PRKAA2: variants seen among roughly 807,000 people sequenced by gnomAD.
The protein encoded by PRKAA2 is protein kinase AMP-activated catalytic subunit alpha 2.
In PRKAA2, 40 loss-of-function variants were observed where a neutral mutation model predicts 56.3. That is an observed-to-expected ratio of 0.71 (90% confidence interval 0.55 to 0.92). PRKAA2 has a LOEUF of 0.92. Ranked by LOEUF, PRKAA2 falls within the 40% of genes least tolerant of loss-of-function variation. PRKAA2 has a pLI of 0.00. For missense variants in PRKAA2, 542 were observed against 686.9 expected, an observed-to-expected ratio of 0.79 and a Z score of 2.36; for synonymous variants, 214 against 234.2, an observed-to-expected ratio of 0.91 and a Z score of 0.79.
intron 1 of PRKAA2, among the ~76,000 whole-genome samples, chr1:56,671,203 A>G (rs901621627): frequency 1.3e-5 from 2 of 152,150 alleles, no homozygotes; most frequent in East Asian, 1.9e-4. Context: ...TTTCAGGTGG[A>G]ATGTGGTTAG....
In PRKAA2 at chr1:56,714,110, C is replaced by T. The variant is rs561478540; in HGVS notation, c.*6397C>T. 12 of 152,132 alleles carry T rather than the reference C, an allele frequency of 7.9e-5. No individual in the cohort carries two copies. The highest frequency in any genetic ancestry group is 2.9e-4 in the African/African-American group (12 of 41,524). The allele number at this position is 152,132 out of a possible 1,614,324, so 9.4% of individuals were successfully genotyped here. ...TCATGTTGATTGACTTTATAAGTCACCTTGGTAAACATAACATTTGGCTAC... is the reference window on the plus strand; with the variant it reads ...TCATGTTGATTGACTTTATAAGTCATCTTGGTAAACATAACATTTGGCTAC... On this transcript the variant is annotated 3_prime_UTR_variant, in exon 9 of 9. Coordinates refer to ENST00000371244, the MANE Select transcript of PRKAA2 (RefSeq NM_006252.4).
chr1:56,698,260 G>A (rs1644272280), intron 6 of PRKAA2, among the ~76,000 whole-genome samples: 1 of 151,562 alleles, frequency 6.6e-6, no homozygotes, highest in African/African-American at 2.4e-5. Flanking sequence ...GTTCAATAGG[G>A]AAAAGAATTA....
chr1:56,675,415 G>A (rs1644106199), intron 2 of PRKAA2, among the ~76,000 whole-genome samples: 1 of 151,668 alleles, frequency 6.6e-6, no homozygotes, highest in Admixed American at 6.6e-5. Flanking sequence ...TTATCTTCAT[G>A]ATCAGTGTCT....
chr1:56,711,184 C>G lies in PRKAA2; in HGVS notation c.*3471C>G, dbSNP rs1329452939. The G allele has an allele frequency of 6.6e-6, 1 of 152,096 alleles. No homozygotes were observed. The highest frequency in any genetic ancestry group is 1.5e-5 in the Non-Finnish European group (1 of 67,972). 9.4% of individuals were successfully genotyped at this position (152,096 alleles called of 1,614,324 possible). ...TGTAGCATGAACAATTCTCCATTTTCTGCAAATGGGTTTTTCAGGACAGTT... is the reference window on the plus strand; with the variant it reads ...TGTAGCATGAACAATTCTCCATTTTGTGCAAATGGGTTTTTCAGGACAGTT... On this transcript the variant is annotated 3_prime_UTR_variant, in exon 9 of 9. Transcript: ENST00000371244.
chr1:56,663,951 T>G (rs1231619594), intron 1 of PRKAA2, among the ~76,000 whole-genome samples: 1 of 151,976 alleles, frequency 6.6e-6, no homozygotes, highest in African/African-American at 2.4e-5. Flanking sequence ...AATAAAAAAT[T>G]AGCTGAGCAT....
At chr1:56,704,621 A>G (rs1644319597) in intron 7 of PRKAA2, 146 bp downstream of exon 7, 1 of 936,812 alleles carries the variant, frequency 1.1e-6, no homozygotes, top group Non-Finnish European at 1.5e-6. Context: ...AACCTCTATA[A>G]GGATGAAAAG....
chr1:56,704,052 T>G lies in PRKAA2; in HGVS notation c.870T>G (p.Asp290Glu). 6.2e-7 allele frequency: 1 copy of G among 1,614,116 alleles called. No individual in the cohort carries two copies. The highest frequency in any genetic ancestry group is 8.5e-7 in the Non-Finnish European group (1 of 1,179,960). ...CCTATGATGCTAACGTCATTGATGA[T>G]GAGGCTGTGAAAGAAGTGTGTGAAA... is the stretch of plus-strand genomic sequence containing the variant. ...DPSYDANVIDDEAVKEVCEKF... is the reference protein window; with the variant it reads ...DPSYDANVIDEEAVKEVCEKF... The change falls in exon 7 of 9, where the codon GAT becomes GAG. Residue 290 changes from aspartate (D) to glutamate (E), a missense_variant. Around this residue, in one of 5 missense-constraint regions of PRKAA2, gnomAD observed 198 missense variants for 234.0 expected, o/e 0.85. Transcript: ENST00000371244.
At chr1:56,670,340 G>A (rs1245233904) in intron 1 of PRKAA2, among the ~76,000 whole-genome samples, 1 of 152,196 alleles carries the variant, frequency 6.6e-6, no homozygotes, top group Non-Finnish European at 1.5e-5. Flanking sequence ...GATGTAGACT[G>A]TTGTTATGTC....
At chr1:56,694,034 T>C (rs1644243993) in intron 5 of PRKAA2, among the ~76,000 whole-genome samples, 182 bp downstream of exon 5, 1 of 152,200 alleles carries the variant, frequency 6.6e-6, no homozygotes, top group Admixed American at 6.5e-5. Context: ...CATTTAGATG[T>C]CATTATAAAT....
intron 5 of PRKAA2, among the ~76,000 whole-genome samples, chr1:56,694,741 G>A (rs1644248066): frequency 6.6e-6 from 1 of 151,862 alleles, no homozygotes; most frequent in East Asian, 1.9e-4. Context: ...CCCCCCTTAA[G>A]TCCCCACCTC....
intron 1 of PRKAA2, among the ~76,000 whole-genome samples, chr1:56,657,065 G>T (rs936285793): frequency 6.6e-6 from 1 of 152,174 alleles, no homozygotes; most frequent in African/African-American, 2.4e-5. Flanking sequence ...CAGAATAAAT[G>T]TAAGAAAACC....
At chr1:56,681,360 A>G (rs1234042562) in intron 2 of PRKAA2, among the ~76,000 whole-genome samples, 2 of 152,110 alleles carry the variant, frequency 1.3e-5, no homozygotes, top group Admixed American at 6.6e-5. Context: ...CTTTAGTTTA[A>G]TTAGATCCCA....
intron 1 of PRKAA2, among the ~76,000 whole-genome samples, chr1:56,660,640 T>C (rs1459540421): frequency 6.6e-6 from 1 of 152,294 alleles, no homozygotes; most frequent in East Asian, 1.9e-4. Context: ...CCTTGATACG[T>C]TGTAATCAAG....
chr1:56,680,424 A>G (rs1210100522), intron 2 of PRKAA2, among the ~76,000 whole-genome samples: 1 of 151,990 alleles, frequency 6.6e-6, no homozygotes, highest in Non-Finnish European at 1.5e-5. Flanking sequence ...TTTGTTACAT[A>G]TGTATCCATG....
chr1:56,693,196 C>T (rs1170307856), intron 4 of PRKAA2, among the ~76,000 whole-genome samples: 5 of 152,106 alleles, frequency 3.3e-5, no homozygotes, highest in Non-Finnish European at 7.4e-5. Context: ...CTAGAAACTA[C>T]TTTCTCTATT....
At chr1:56,692,289 G>C in intron 3 of PRKAA2, 69 bp from the exon 4 acceptor site, 1 of 1,586,392 alleles carries the variant, frequency 6.3e-7, no homozygotes, top group Non-Finnish European at 8.6e-7. Context: ...GCCTTGGCTG[G>C]GATTACAGGC....
In PRKAA2 at chr1:56,696,085, T is replaced by C. The variant is rs1557560423; in HGVS notation, c.714T>C (p.Asn238=). 1 of 1,613,590 alleles carries C rather than the reference T, an allele frequency of 6.2e-7. No homozygotes were observed. The highest frequency in any genetic ancestry group is 8.5e-7 in the Non-Finnish European group (1 of 1,179,926). ...TCTTTTATATCCCAGAATATCTCAATCGTTCTGTCGCCACTCTCCTGATGC... is the reference window on the plus strand; with the variant it reads ...TCTTTTATATCCCAGAATATCTCAACCGTTCTGTCGCCACTCTCCTGATGC... ...GGVFYIPEYL[N]RSVATLLMHM... The change falls in exon 6 of 9, where the codon AAT becomes AAC. Residue 238 remains asparagine, a synonymous_variant. Transcript: ENST00000371244.
chr1:56,675,635 C>A (rs939064250), intron 2 of PRKAA2, among the ~76,000 whole-genome samples: 3 of 151,928 alleles, frequency 2.0e-5, no homozygotes, highest in African/African-American at 7.3e-5. Flanking sequence ...ATTTATGGAT[C>A]CCTCATTTTG....
At chr1:56,701,716 C>T (rs1049925418) in intron 6 of PRKAA2, among the ~76,000 whole-genome samples, 3 of 151,780 alleles carry the variant, frequency 2.0e-5, no homozygotes, top group East Asian at 2.0e-4. Flanking sequence ...GGTGAAACCC[C>T]ATCTCTACTA....
Sources: gnomAD v4.1 joint callset for allele counts (sites outside exome capture counted in the v4.1 genomes callset) on GRCh38, gnomAD v4.1.1 for gene constraint, gnomAD v4.1.1 regional missense constraint, MANE v1.5 for transcripts, NCBI Gene and HGNC (gene_info 2026-07-23, HGNC 2026-07-21) for gene names.